CPA4: variants seen among roughly 807,000 people sequenced by gnomAD.
CPA4 encodes the protein carboxypeptidase A3.
In CPA4, 49 loss-of-function variants were observed where a neutral mutation model predicts 54.7. The observed-to-expected ratio is 0.90, with a 90% CI of 0.71 to 1.14. The LOEUF (loss-of-function observed/expected upper bound fraction) is 1.14. Among genes scored for constraint, CPA4 ranks in the 50% most tolerant of loss-of-function variants. CPA4 has a pLI of 0.00. For missense variants in CPA4, 487 were observed against 525.1 expected, an observed-to-expected ratio of 0.93 and a Z score of 0.71; for synonymous variants, 215 against 206.8, an observed-to-expected ratio of 1.04 and a Z score of -0.34.
intron 10 of CPA4, among the ~76,000 whole-genome samples, chr7:130,321,390 C>G (rs1794096548): frequency 6.6e-6 from 1 of 152,038 alleles, no homozygotes; most frequent in Non-Finnish European, 1.5e-5. Context: ...AATCCTAAAA[C>G]TTAGCAGCTT....
At chr7:130,316,951 A>AT (rs1006761487) in intron 10 of CPA4, among the ~76,000 whole-genome samples, 1 of 148,810 alleles carries the variant, frequency 6.7e-6, no homozygotes, top group African/African-American at 2.5e-5. Flanking sequence ...GACTGGTGGG[A>AT]TTTGGGGGGT....
In CPA4 at chr7:130,310,962, AAAGG is replaced by A; in HGVS notation, c.970_973del (p.Lys324ProfsTer59). Reference sequence around the variant, plus strand: ...TGTATCCATATGGGTACTCAGTCAAAAAGGCCCCAGATGCCGAGGAACTCGTGAG... The same window carrying A: ...TGTATCCATATGGGTACTCAGTCAAACCCCAGATGCCGAGGAACTCGTGAG... On this transcript the variant is annotated frameshift_variant, in exon 9 of 11. Coordinates refer to ENST00000222482, the MANE Select transcript of CPA4 (RefSeq NM_016352.4). LOFTEE classifies it high-confidence loss of function. This position sits in a 1 kb window ranked among gnomAD's most constrained non-coding sequence, Gnocchi z 4.3. 6.2e-7 allele frequency: 1 copy of A among 1,614,052 alleles called. No homozygotes were observed. Among genetic ancestry groups the A allele is most frequent in the Non-Finnish European group, 8.5e-7 (1 of 1,180,018 alleles).
intron 1 of CPA4, among the ~76,000 whole-genome samples, chr7:130,293,876 C>CGT (rs1264674740): frequency 6.6e-6 from 1 of 151,918 alleles, no homozygotes; most frequent in African/African-American, 2.4e-5. Flanking sequence ...GCCTGAACAC[C>CGT]GTGTGTGTGT....
chr7:130,309,609 C>G (rs1183134200), intron 8 of CPA4, among the ~76,000 whole-genome samples: 1 of 152,194 alleles, frequency 6.6e-6, no homozygotes, highest in African/African-American at 2.4e-5. Flanking sequence ...TTCTTCTCAC[C>G]TAGCGAGTGA....
At chr7:130,318,498 G>T (rs551064109) in intron 10 of CPA4, among the ~76,000 whole-genome samples, 5 of 152,066 alleles carry the variant, frequency 3.3e-5, no homozygotes, top group Non-Finnish European at 7.4e-5. Flanking sequence ...CACAACTTCC[G>T]CCTCCCAGGT....
intron 1 of CPA4, among the ~76,000 whole-genome samples, chr7:130,295,936 G>A (rs1793641857): frequency 6.6e-6 from 1 of 152,234 alleles, no homozygotes; most frequent in African/African-American, 2.4e-5. Flanking sequence ...CTGAGATCGT[G>A]CTATTGCACT....
chr7:130,310,997 G>T lies in CPA4; in HGVS notation c.993+11G>T. 6.2e-7 allele frequency: 1 copy of T among 1,611,958 alleles called. No individual in the cohort carries two copies. Among genetic ancestry groups the T allele is most frequent in the Non-Finnish European group, 8.5e-7 (1 of 1,179,006 alleles). On this transcript the variant is annotated intron_variant, in intron 9 of 10. Coordinates refer to ENST00000222482, the MANE Select transcript of CPA4 (RefSeq NM_016352.4). This position sits in a 1 kb window ranked among gnomAD's most constrained non-coding sequence, Gnocchi z 4.3. ...GATGCCGAGGAACTCGTGAGTCACA[G>T]CTGCCTCCCACCCAGCCTGGGGCCC...
intron 10 of CPA4, among the ~76,000 whole-genome samples, chr7:130,318,652 C>T (rs1266625939): frequency 6.6e-6 from 1 of 152,182 alleles, no homozygotes; most frequent in Admixed American, 6.5e-5. Flanking sequence ...CTCAGGTGAT[C>T]TGCCCGCCTC....
intron 10 of CPA4, among the ~76,000 whole-genome samples, chr7:130,317,719 A>G (rs1460380502): frequency 6.6e-6 from 1 of 152,230 alleles, no homozygotes; most frequent in East Asian, 1.9e-4. Flanking sequence ...TGTCTGTCTC[A>G]GCCTCCCAAA....
intron 4 of CPA4, 114 bp downstream of exon 4, chr7:130,301,028 GCT>G: frequency 1.4e-6 from 1 of 697,810 alleles, no homozygotes; most frequent in Non-Finnish European, 2.6e-6. Flanking sequence ...TCACTGAGGG[GCT>G]AAAATGTGTA....
At position 130,306,811 on chromosome 7, in the gene CPA4, C is replaced by T; in HGVS notation, c.616C>T (p.Pro206Ser). 1 of 1,607,706 alleles carries T rather than the reference C, an allele frequency of 6.2e-7. No homozygotes were observed. Residue 206 changes from proline to serine, a missense_variant, in exon 7 of 11, where the codon CCA becomes TCA. Physicochemically the swap from Pro to Ser is moderately conservative, Grantham distance 74. Transcript: ENST00000222482. ...GATTGTATCTGATTACCAGAGGGATCCAGCTATCACCTCCATCTTGGAGAA... is the reference window on the plus strand; with the variant it reads ...GATTGTATCTGATTACCAGAGGGATTCAGCTATCACCTCCATCTTGGAGAA... ...RKIVSDYQRD[P>S]AITSILEKMD...
chr7:130,304,635 C>A, intron 5 of CPA4, 56 bp downstream of exon 5: 2 of 1,033,622 alleles, frequency 1.9e-6, no homozygotes, highest in Non-Finnish European at 3.1e-6. Flanking sequence ...AGGACCCAGC[C>A]TCAGACCTCT....
intron 5 of CPA4, among the ~76,000 whole-genome samples, chr7:130,304,834 A>G (rs1793794292): frequency 6.6e-6 from 1 of 152,218 alleles, no homozygotes. Context: ...TTAGTATTCC[A>G]GAAAGCTCTC....
intron 10 of CPA4, among the ~76,000 whole-genome samples, chr7:130,319,898 C>T (rs942849925): frequency 6.6e-6 from 1 of 152,144 alleles, no homozygotes; most frequent in Non-Finnish European, 1.5e-5. Context: ...TGGAAAGATG[C>T]TTTCTTGGTC....
chr7:130,294,276 C>G (rs947598260), intron 1 of CPA4, among the ~76,000 whole-genome samples: 1 of 152,208 alleles, frequency 6.6e-6, no homozygotes, highest in Non-Finnish European at 1.5e-5. Context: ...AATCCTATAT[C>G]TCTTGGATCT....
chr7:130,310,918 A>G lies in CPA4; in HGVS notation c.925A>G (p.Ser309Gly). The change falls in exon 9 of 11, where the codon AGC (serine) becomes GGC (glycine). Residue 309 changes from serine (S) to glycine (G), a missense_variant. By Grantham distance (56) the Ser-to-Gly change is moderately conservative. Coordinates refer to ENST00000222482, the MANE Select transcript of CPA4 (RefSeq NM_016352.4). This position sits in a 1 kb window ranked among gnomAD's most constrained non-coding sequence, Gnocchi z 4.3. ...GNFKGFIDLHSYSQLLMYPYG... is the reference protein window; with the variant it reads ...GNFKGFIDLHGYSQLLMYPYG... ...TTTCAAGGGCTTCATCGACCTGCAC[A>G]GCTACTCGCAGCTGCTGATGTATCC... 2 of 1,614,196 alleles carry G rather than the reference A, an allele frequency of 1.2e-6. No individual in the cohort carries two copies. Among genetic ancestry groups the G allele is most frequent in the Non-Finnish European group, 1.7e-6 (2 of 1,180,016 alleles).
intron 4 of CPA4, among the ~76,000 whole-genome samples, chr7:130,304,113 G>A (rs926479968): frequency 1.3e-5 from 2 of 151,974 alleles, no homozygotes; most frequent in African/African-American, 4.8e-5. Flanking sequence ...CAATCCTCCC[G>A]CCTCAGTCTC....
At chr7:130,320,059 C>T (rs1794063575) in intron 10 of CPA4, among the ~76,000 whole-genome samples, 1 of 152,132 alleles carries the variant, frequency 6.6e-6, no homozygotes, top group South Asian at 2.1e-4. Flanking sequence ...ATATCACTTT[C>T]TGAGCCCCAA....
intron 6 of CPA4, 63 bp from the exon 7 acceptor site, chr7:130,306,724 T>A (rs938810548): frequency 1.1e-6 from 1 of 938,132 alleles, no homozygotes; most frequent in East Asian, 2.4e-5. Context: ...AGAAGATACA[T>A]GGTTCAGCCC....
Sources: gnomAD v4.1 joint callset for allele counts (sites outside exome capture counted in the v4.1 genomes callset) on GRCh38, gnomAD v4.1.1 for gene constraint, Gnocchi (gnomAD v3.1) non-coding constraint, MANE v1.5 for transcripts, NCBI Gene and HGNC (gene_info 2026-07-23, HGNC 2026-07-21) for gene names.